The following SCAF8 variants were observed in gnomAD, a reference collection of about 807,000 sequenced individuals.
The protein encoded by SCAF8 is SR-related CTD associated factor 8, also known as SR-related and CTD-associated factor 8.
Under a neutral mutation model 140.5 loss-of-function variants are expected in SCAF8, and 23 were observed. That is an observed-to-expected ratio of 0.16 (90% CI 0.12 to 0.23). SCAF8 has a LOEUF of 0.23. Among genes scored for constraint, SCAF8 ranks in the 10% least tolerant of loss-of-function variants. The pLI is 1.00. For synonymous variants in SCAF8, 575 were observed against 528.9 expected (o/e 1.09, Z -1.20); for missense variants, 1,397 against 1,555.7 (o/e 0.90, Z 1.72).
At chr6:154,739,351 A>G (rs1778509540) in intron 1 of SCAF8, among the ~76,000 whole-genome samples, 1 of 152,216 alleles carries the variant, frequency 6.6e-6, no homozygotes, top group African/African-American at 2.4e-5. Flanking sequence ...TTCCTTTACC[A>G]TTAATCACAC....
Position 154,822,375 on chromosome 6 carries a change from C to A in SCAF8, c.1892C>A (p.Ala631Glu). The A allele has an allele frequency of 6.2e-7, 1 of 1,613,406 alleles. No homozygotes were observed. The change falls in exon 16 of 20, where the codon GCA (alanine) becomes GAA (glutamate). Residue 631 changes from alanine to glutamate, a missense_variant. Physicochemically the swap from Ala to Glu is moderately radical, Grantham distance 107. Transcript: ENST00000367178. The stretch of plus-strand genomic sequence containing the variant: ...AAGGAGACAGTGGTCACAACCCAGG[C>A]AGAGGTTTTCCCTCCTCCTGTTGCT... ...VEKETVVTTQ[A>E]EVFPPPVAML...
At chr6:154,754,087 A>G (rs143097558) in intron 1 of SCAF8, among the ~76,000 whole-genome samples, 1 of 152,356 alleles carries the variant, frequency 6.6e-6, no homozygotes, top group East Asian at 1.9e-4. Context: ...AGTCTATTTT[A>G]ATACTGCTTG....
chr6:154,767,563 G>A (rs1267144650), intron 1 of SCAF8, among the ~76,000 whole-genome samples: 1 of 132,868 alleles, frequency 7.5e-6, no homozygotes, highest in African/African-American at 2.9e-5. Flanking sequence ...TTTTGAGATG[G>A]GCGTCTCACT....
At position 154,833,887 on chromosome 6, in the gene SCAF8, T is replaced by G. The variant is rs1778823702; in HGVS notation, c.*492T>G. 1 of 152,254 alleles carries G rather than the reference T, an allele frequency of 6.6e-6. No homozygotes were observed. Among genetic ancestry groups the G allele is most frequent in the African/African-American group, 2.4e-5 (1 of 41,278 alleles). 9.4% of individuals were successfully genotyped at this position (152,254 alleles called of 1,614,324 possible). A position where few individuals can be genotyped will look rare whatever the true frequency, so the allele number is the denominator to read the frequency against. Reference sequence around the variant, plus strand: ...CAATACAGAGATTTTAAAAAGTGATTTTGTAAAATCTACACTACGGTCTCT... The same window carrying G: ...CAATACAGAGATTTTAAAAAGTGATGTTGTAAAATCTACACTACGGTCTCT... On this transcript the variant is annotated 3_prime_UTR_variant, in exon 20 of 20. Coordinates refer to ENST00000367178, the MANE Select transcript of SCAF8 (RefSeq NM_014892.5).
chr6:154,736,955 A>C (rs1778438224), intron 1 of SCAF8, among the ~76,000 whole-genome samples: 1 of 152,230 alleles, frequency 6.6e-6, no homozygotes, highest in African/African-American at 2.4e-5. Context: ...TTTGAAGAAG[A>C]TTCAGAAAAA....
chr6:154,765,118 G>T (rs986713936), intron 1 of SCAF8, among the ~76,000 whole-genome samples: 6 of 152,174 alleles, frequency 3.9e-5, no homozygotes, highest in Non-Finnish European at 7.4e-5. Flanking sequence ...TAATGGGCCA[G>T]CATCATCATC....
intron 1 of SCAF8, among the ~76,000 whole-genome samples, chr6:154,755,227 T>C (rs1311317416): frequency 2.6e-5 from 4 of 152,196 alleles, no homozygotes; most frequent in African/African-American, 9.7e-5. Flanking sequence ...CTAGTTCATA[T>C]AGTAGAACTA....
chr6:154,784,118 G>A (rs891806472), intron 3 of SCAF8, among the ~76,000 whole-genome samples: 8 of 58,384 alleles, frequency 1.4e-4, no homozygotes, highest in African/African-American at 5.5e-4. Context: ...CTGGTGTCTT[G>A]AGATATATAT....
chr6:154,832,257 C>T lies in SCAF8; in HGVS notation c.2678C>T (p.Thr893Ile), dbSNP rs761996043. The T allele has an allele frequency of 1.2e-6, 2 of 1,613,990 alleles. No homozygotes were observed. The highest frequency in any genetic ancestry group is 1.7e-6 in the Non-Finnish European group (2 of 1,180,002). ...VGVQPPNVPN[T>I]PGLLGTQPPA... Reference sequence around the variant, plus strand: ...GTACAGCCACCAAATGTTCCAAATACTCCTGGACTTCTGGGAACACAGCCA... The same window carrying T: ...GTACAGCCACCAAATGTTCCAAATATTCCTGGACTTCTGGGAACACAGCCA... Residue 893 changes from threonine (T) to isoleucine (I), a missense_variant, in exon 20 of 20, where the codon ACT becomes ATT. Coordinates refer to ENST00000367178, the MANE Select transcript of SCAF8 (RefSeq NM_014892.5).
chr6:154,788,708 A>G (rs1015813126), intron 4 of SCAF8, among the ~76,000 whole-genome samples: 1 of 152,252 alleles, frequency 6.6e-6, no homozygotes, highest in Non-Finnish European at 1.5e-5. Flanking sequence ...CTATTATGGT[A>G]GAATTTTATT....
intron 6 of SCAF8, among the ~76,000 whole-genome samples, chr6:154,799,052 G>T (rs770187998): frequency 2.0e-5 from 3 of 150,178 alleles, no homozygotes; most frequent in African/African-American, 7.3e-5. Flanking sequence ...GCGCTGTCTC[G>T]GCTCACTGCA....
At chr6:154,762,116 ATTTC>A (rs892581772) in intron 1 of SCAF8, among the ~76,000 whole-genome samples, 2 of 152,208 alleles carry the variant, frequency 1.3e-5, no homozygotes, top group Admixed American at 1.3e-4. Context: ...GCATTCACTT[ATTTC>A]TTCTACTGTA....
intron 12 of SCAF8, among the ~76,000 whole-genome samples, chr6:154,812,420 C>G (rs1303115927): frequency 6.6e-6 from 1 of 150,650 alleles, no homozygotes; most frequent in African/African-American, 2.4e-5. Flanking sequence ...TTTGTGTGCA[C>G]TGGGAAGAAC....
intron 1 of SCAF8, among the ~76,000 whole-genome samples, chr6:154,753,017 T>C (rs571288773): frequency 2.7e-5 from 4 of 150,142 alleles, no homozygotes; most frequent in Admixed American, 6.6e-5. Flanking sequence ...GTTTTGTTTT[T>C]TTTTTTAATT....
At chr6:154,793,264 T>G (rs896715765) in intron 5 of SCAF8, among the ~76,000 whole-genome samples, 3 of 152,158 alleles carry the variant, frequency 2.0e-5, no homozygotes, top group Non-Finnish European at 2.9e-5. Flanking sequence ...CTGTAACTTC[T>G]TATACTTGCA....
At chr6:154,768,563 A>G (rs1776647163) in intron 1 of SCAF8, among the ~76,000 whole-genome samples, 1 of 152,310 alleles carries the variant, frequency 6.6e-6, no homozygotes, top group African/African-American at 2.4e-5. Context: ...CATCTTTAAC[A>G]TTGTTTATGT....
At chr6:154,823,556 T>A (rs1291016773) in intron 16 of SCAF8, among the ~76,000 whole-genome samples, 1 of 152,130 alleles carries the variant, frequency 6.6e-6, no homozygotes, top group African/African-American at 2.4e-5. Flanking sequence ...TTGGGGTTAT[T>A]ATGAGCAAAA....
intron 11 of SCAF8, among the ~76,000 whole-genome samples, chr6:154,809,779 C>T (rs952778345): frequency 2.6e-5 from 4 of 152,280 alleles, no homozygotes; most frequent in Admixed American, 6.5e-5. Flanking sequence ...TCTTTTTCCT[C>T]TTCATTGTGA....
At position 154,761,311 on chromosome 6, in the gene SCAF8, C is replaced by A. The variant is rs145545363; in HGVS notation, c.31-12678C>A. Among the ~76,000 whole-genome samples the A allele has an allele frequency of 5.6e-3, 852 of 152,186 alleles. 12 individuals carry two copies. The highest frequency in any genetic ancestry group is 0.019 in the African/African-American group (808 of 41,506). On this transcript the variant is annotated intron_variant, in intron 1 of 19. Coordinates refer to ENST00000367178, the MANE Select transcript of SCAF8 (RefSeq NM_014892.5). ...AGACCGCCTGGGCAACATGGTGAAA[C>A]CCCATCTCTACTAGAAATACAAAAA...
Sources: allele counts gnomAD v4.1 joint callset (sites outside exome capture counted in the v4.1 genomes callset), GRCh38; gene constraint gnomAD v4.1.1; transcripts MANE v1.5; gene names NCBI Gene and HGNC (gene_info 2026-07-23, HGNC 2026-07-21).